Variants in TRERF1 observed in about 807,000 individuals in gnomAD.
TRERF1 encodes transcriptional regulating factor 1.
In TRERF1, 27 loss-of-function variants were observed where a neutral mutation model predicts 122.9. The observed-to-expected ratio is 0.22, with a 90% confidence interval of 0.16 to 0.30. The LOEUF (loss-of-function observed/expected upper bound fraction) is 0.30. Among genes scored for constraint, TRERF1 ranks in the 10% least tolerant of loss-of-function variants. The pLI, the probability that TRERF1 is intolerant of heterozygous loss-of-function variation, is 1.00. For synonymous variants in TRERF1, 636 were observed against 641.7 expected, an observed-to-expected ratio of 0.99 and a Z score of 0.13; for missense variants, 1,248 against 1,560.3, an observed-to-expected ratio of 0.80 and a Z score of 3.37.
intron 15 of TRERF1, among the ~76,000 whole-genome samples, chr6:42,238,460 A>G (rs1360220259): frequency 6.6e-6 from 1 of 152,212 alleles, no homozygotes; most frequent in Admixed American, 6.5e-5. Flanking sequence ...CAAAGTGACT[A>G]AGAGATACAA....
chr6:42,259,345 G>T lies in TRERF1; in HGVS notation c.2263C>A (p.Arg755Ser). ...CGCTAAAGGGGTGACTCACTGGAGC[G>T]ACACAGCAGCACCCGTGGTGTGGGC... The change falls in exon 9 of 18, where the codon CGC becomes AGC. Residue 755 changes from arginine to serine, a missense_variant. By Grantham distance (110) the Arg-to-Ser change is moderately radical (BLOSUM62 -1). This residue lies in a region of TRERF1 where 946 missense variants were observed against 1,073.0 expected (regional missense o/e 0.88). Transcript: ENST00000372922. This position sits in a 1 kb window ranked among gnomAD's most constrained non-coding sequence, Gnocchi z 4.9. The T allele has an allele frequency of 6.7e-7, 1 of 1,500,678 alleles. No homozygotes were observed. The highest frequency in any genetic ancestry group is 8.8e-7 in the Non-Finnish European group (1 of 1,134,988). 93.0% of individuals were successfully genotyped at this position (1,500,678 alleles called of 1,614,324 possible).
chr6:42,254,601 T>C (rs1776387847), intron 13 of TRERF1, among the ~76,000 whole-genome samples: 1 of 152,176 alleles, frequency 6.6e-6, no homozygotes, highest in East Asian at 1.9e-4. Flanking sequence ...CTCGTCTCCT[T>C]GCCACACGTG....
chr6:42,352,283 CTGCAT>C (rs1347594843), intron 3 of TRERF1, among the ~76,000 whole-genome samples: 1 of 152,256 alleles, frequency 6.6e-6, no homozygotes, highest in African/African-American at 2.4e-5. Flanking sequence ...GCGTGAGCCA[CTGCAT>C]CCAGCCTCAT....
intron 2 of TRERF1, among the ~76,000 whole-genome samples, chr6:42,422,504 CAAAAAAAAA>C (rs70987594): frequency 1.7e-5 from 2 of 120,694 alleles, no homozygotes; most frequent in South Asian, 5.2e-4. Context: ...ACCCTGTCTC[CAAAAAAAAA>C]AAAAAAAAAA....
intron 2 of TRERF1, among the ~76,000 whole-genome samples, chr6:42,421,007 T>G (rs1319862290): frequency 6.6e-6 from 1 of 152,248 alleles, no homozygotes; most frequent in African/African-American, 2.4e-5. Context: ...GTAGTGAATA[T>G]GCACAGGCTT....
At chr6:42,371,905 G>A (rs1012273894) in intron 2 of TRERF1, among the ~76,000 whole-genome samples, 9 of 152,186 alleles carry the variant, frequency 5.9e-5, no homozygotes, top group Non-Finnish European at 4.4e-5. Context: ...ACTAAGGCTG[G>A]GCGCAGTGGC....
chr6:42,234,927 C>T (rs1320040280), intron 16 of TRERF1, among the ~76,000 whole-genome samples: 1 of 152,114 alleles, frequency 6.6e-6, no homozygotes, highest in Non-Finnish European at 1.5e-5. Context: ...TGAACAAATT[C>T]ACCAAGAAAT....
chr6:42,346,128 G>A (rs1474973896), intron 3 of TRERF1, among the ~76,000 whole-genome samples: 2 of 152,244 alleles, frequency 1.3e-5, no homozygotes, highest in Non-Finnish European at 2.9e-5. Context: ...AGAAGGCTGC[G>A]AGGAAGAGGG....
chr6:42,383,401 C>T (rs1010751263), intron 2 of TRERF1, among the ~76,000 whole-genome samples: 6 of 152,084 alleles, frequency 3.9e-5, no homozygotes, highest in South Asian at 2.1e-4. Flanking sequence ...GCAAACACTC[C>T]GTGCTCTGGA....
At chr6:42,270,768 C>CTTTT (rs1175342905) in intron 4 of TRERF1, among the ~76,000 whole-genome samples, 13 of 119,610 alleles carry the variant, frequency 1.1e-4, no homozygotes, top group Admixed American at 1.7e-4. Context: ...GACCTCATCT[C>CTTTT]TTTTTTTTTT....
intron 15 of TRERF1, among the ~76,000 whole-genome samples, chr6:42,239,086 T>G (rs1447427043): frequency 6.6e-6 from 1 of 152,176 alleles, no homozygotes; most frequent in African/African-American, 2.4e-5. Context: ...GTAAATGGCT[T>G]AGAGATCCTA....
intron 14 of TRERF1, among the ~76,000 whole-genome samples, chr6:42,244,367 A>G (rs1774370165): frequency 6.6e-6 from 1 of 151,866 alleles, no homozygotes; most frequent in African/African-American, 2.4e-5. Flanking sequence ...TATTTTTAGT[A>G]GAGACGTGGT....
chr6:42,242,454 G>A (rs1445634956), intron 15 of TRERF1, among the ~76,000 whole-genome samples: 2 of 152,202 alleles, frequency 1.3e-5, no homozygotes, highest in Admixed American at 6.5e-5. Flanking sequence ...ACAAAAGCTA[G>A]AGTTTAGTAA....
chr6:42,260,011 T>C (rs1045294501), intron 8 of TRERF1, among the ~76,000 whole-genome samples: 1 of 152,110 alleles, frequency 6.6e-6, no homozygotes, highest in Non-Finnish European at 1.5e-5. Context: ...AATTCTTTAT[T>C]GCTTATCACT....
At chr6:42,284,046 G>A (rs1390673051) in intron 4 of TRERF1, among the ~76,000 whole-genome samples, 1 of 152,032 alleles carries the variant, frequency 6.6e-6, no homozygotes, top group Non-Finnish European at 1.5e-5. Flanking sequence ...ATAGATCTGT[G>A]GAATAGAGCT....
At chr6:42,239,820 G>C (rs921774329) in intron 15 of TRERF1, among the ~76,000 whole-genome samples, 6 of 152,102 alleles carry the variant, frequency 3.9e-5, no homozygotes, top group Admixed American at 3.9e-4. Flanking sequence ...GCCCACAAAG[G>C]AGCTGTGAGC....
chr6:42,305,995 C>T (rs113298169), intron 3 of TRERF1, among the ~76,000 whole-genome samples: 3 of 69,498 alleles, frequency 4.3e-5, no homozygotes, highest in East Asian at 5.5e-4. Context: ...AATATCTCTC[C>T]TTTTTTTTTT....
At chr6:42,405,155 G>C (rs1376533583) in intron 2 of TRERF1, among the ~76,000 whole-genome samples, 1 of 152,076 alleles carries the variant, frequency 6.6e-6, no homozygotes, top group Non-Finnish European at 1.5e-5. Context: ...GGCATTAAGG[G>C]TTAAGTACTC....
intron 2 of TRERF1, among the ~76,000 whole-genome samples, chr6:42,374,486 G>C (rs556224897): frequency 6.6e-6 from 1 of 152,238 alleles, no homozygotes; most frequent in Non-Finnish European, 1.5e-5. Context: ...TCAGCTCTGG[G>C]GAGCCTCACC....
Sources: allele counts gnomAD v4.1 joint callset (sites outside exome capture counted in the v4.1 genomes callset), GRCh38; gene constraint gnomAD v4.1.1; regional missense constraint gnomAD v4.1.1; non-coding constraint Gnocchi (gnomAD v3.1); transcripts MANE v1.5; gene names NCBI Gene and HGNC (gene_info 2026-07-23, HGNC 2026-07-21).